The following BRINP1 variants were observed in gnomAD, a reference collection of about 807,000 sequenced individuals.
BRINP1 encodes the protein BMP/retinoic acid inducible neural specific 1.
In BRINP1, 17 loss-of-function variants were observed where a neutral mutation model predicts 72.9. The observed-to-expected ratio is 0.23, with a 90% CI of 0.16 to 0.35. The LOEUF is 0.35. BRINP1 is among the 10% of genes least tolerant of loss of function. The pLI, the probability that BRINP1 is intolerant of heterozygous loss-of-function variation, is 1.00. For synonymous variants in BRINP1, 418 were observed against 378.5 expected, an observed-to-expected ratio of 1.10 and a Z score of -1.21; for missense variants, 850 against 1,001.6, an observed-to-expected ratio of 0.85 and a Z score of 2.04.
At chr9:119,182,498 A>G (rs946200528) in intron 7 of BRINP1, among the ~76,000 whole-genome samples, 2 of 152,246 alleles carry the variant, frequency 1.3e-5, no homozygotes, top group Non-Finnish European at 2.9e-5. Context: ...TCAATTTCCA[A>G]GGTAAAGATA....
intron 1 of BRINP1, among the ~76,000 whole-genome samples, chr9:119,351,817 TA>T (rs1202687567): frequency 1.6e-5 from 2 of 123,806 alleles, no homozygotes; most frequent in South Asian, 2.4e-4. Flanking sequence ...TTTATTTTTT[TA>T]TTTTTTTTTT....
chr9:119,328,958 C>T (rs1432036984), intron 1 of BRINP1, among the ~76,000 whole-genome samples: 1 of 152,132 alleles, frequency 6.6e-6, no homozygotes, highest in Non-Finnish European at 1.5e-5. Flanking sequence ...CATAAAAACC[C>T]ACCACTAAAA....
chr9:119,232,811 G>T (rs185867758), intron 5 of BRINP1, among the ~76,000 whole-genome samples: 13 of 151,492 alleles, frequency 8.6e-5, no homozygotes, highest in African/African-American at 3.2e-4. Context: ...TGTATACTTC[G>T]CCATATGGAT....
intron 7 of BRINP1, among the ~76,000 whole-genome samples, chr9:119,184,514 A>G (rs1388006259): frequency 6.6e-6 from 1 of 152,220 alleles, no homozygotes; most frequent in Non-Finnish European, 1.5e-5. Flanking sequence ...TCTTATTTAT[A>G]GGACAATTTA....
chr9:119,312,693 A>T (rs1475083619), intron 2 of BRINP1, among the ~76,000 whole-genome samples: 1 of 152,206 alleles, frequency 6.6e-6, no homozygotes, highest in African/African-American at 2.4e-5. Flanking sequence ...AACGTTACTT[A>T]TACTTGATGT....
chr9:119,293,728 A>T (rs974129777), intron 2 of BRINP1, among the ~76,000 whole-genome samples: 4 of 152,214 alleles, frequency 2.6e-5, no homozygotes, highest in African/African-American at 9.6e-5. Context: ...GTATATTTGA[A>T]TAGGAGGTAG....
intron 2 of BRINP1, among the ~76,000 whole-genome samples, chr9:119,287,336 A>G (rs758481020): frequency 1.3e-5 from 2 of 152,186 alleles, no homozygotes; most frequent in African/African-American, 4.8e-5. Flanking sequence ...TTTATTTCAC[A>G]TACTCTCCTG....
At chr9:119,332,952 G>GGGA (rs1831313903) in intron 1 of BRINP1, among the ~76,000 whole-genome samples, 1 of 152,174 alleles carries the variant, frequency 6.6e-6, no homozygotes, top group Admixed American at 6.5e-5. Flanking sequence ...CCACTTTATA[G>GGGA]ATAAGAAAAC....
rs1444469541 is a variant in BRINP1 at position 119,167,060 on chromosome 9, A to T, written c.*24T>A. ...TGTTGTGTGTGTACAACAACAGGAA[A>T]AGTCCATGGCAAGGAGTCCCGGGTT... On this transcript the variant is annotated 3_prime_UTR_variant, in exon 8 of 8. Coordinates refer to ENST00000265922, the MANE Select transcript of BRINP1 (RefSeq NM_014618.3). This position sits in a 1 kb window ranked among gnomAD's most constrained non-coding sequence, Gnocchi z 4.3. 1.9e-6 allele frequency: 3 copies of T among 1,566,268 alleles called. No homozygotes were observed. The highest frequency in any genetic ancestry group is 2.6e-6 in the Non-Finnish European group (3 of 1,153,844).
chr9:119,284,835 G>T (rs893336537), intron 2 of BRINP1, among the ~76,000 whole-genome samples: 1 of 152,014 alleles, frequency 6.6e-6, no homozygotes, highest in Non-Finnish European at 1.5e-5. Context: ...GGAAATTTGG[G>T]TTTAATATAT....
intron 1 of BRINP1, among the ~76,000 whole-genome samples, chr9:119,358,069 G>A (rs1221834871): frequency 2.0e-5 from 3 of 152,084 alleles, no homozygotes; most frequent in Admixed American, 6.5e-5. Context: ...GTTCTCATCT[G>A]GAAAATGGGG....
chr9:119,253,192 T>G (rs1357745050), intron 2 of BRINP1, among the ~76,000 whole-genome samples: 1 of 152,110 alleles, frequency 6.6e-6, no homozygotes, highest in Non-Finnish European at 1.5e-5. Context: ...TAAACTATAA[T>G]GTACAATATG....
chr9:119,289,163 A>G (rs1830798434), intron 2 of BRINP1, among the ~76,000 whole-genome samples: 1 of 152,254 alleles, frequency 6.6e-6, no homozygotes, highest in Non-Finnish European at 1.5e-5. Flanking sequence ...GAGATCAAGG[A>G]GAAAGAGCAT....
intron 2 of BRINP1, among the ~76,000 whole-genome samples, chr9:119,287,869 G>GA (rs1830779282): frequency 1.3e-5 from 2 of 152,172 alleles, no homozygotes; most frequent in Admixed American, 1.3e-4. Context: ...TAGAGGATCA[G>GA]AAAAAAGTAT....
intron 6 of BRINP1, among the ~76,000 whole-genome samples, chr9:119,209,153 G>A (rs761070225): frequency 2.0e-5 from 3 of 152,174 alleles, no homozygotes; most frequent in South Asian, 2.1e-4. Flanking sequence ...TCTGCATACC[G>A]CATTCTTGCT....
In BRINP1 at chr9:119,168,227, G is replaced by A. The variant is rs759280197; in HGVS notation, c.1146-3C>T. 5 of 1,496,714 alleles carry A rather than the reference G, an allele frequency of 3.3e-6. No individual in the cohort carries two copies. In the East Asian group the frequency reaches 1.1e-4, roughly 34 times the overall value. The allele number at this position is 1,496,714 out of a possible 1,614,324, so 92.7% of individuals were successfully genotyped here. A position where few individuals can be genotyped will look rare whatever the true frequency, so the allele number is the denominator to read the frequency against. On this transcript the variant is annotated splice_region_variant and splice_polypyrimidine_tract_variant and intron_variant, in intron 7 of 7. Transcript: ENST00000265922. Reference sequence around the variant, plus strand: ...TTGCAAGCCACTGCTGAATTGTCCTGGGAGATAAAGGAAAATTGGAGAAGG... The same window carrying A: ...TTGCAAGCCACTGCTGAATTGTCCTAGGAGATAAAGGAAAATTGGAGAAGG...
intron 2 of BRINP1, among the ~76,000 whole-genome samples, chr9:119,299,897 T>C (rs1830922885): frequency 6.6e-6 from 1 of 152,190 alleles, no homozygotes; most frequent in Non-Finnish European, 1.5e-5. Flanking sequence ...CCATTATAAA[T>C]TGGTGATCAC....
chr9:119,367,842 C>G (rs1292309256), intron 1 of BRINP1, among the ~76,000 whole-genome samples: 1 of 152,194 alleles, frequency 6.6e-6, no homozygotes, highest in South Asian at 2.1e-4. Context: ...CCCTCTCTCT[C>G]GCTCTTGCTC....
At chr9:119,304,316 A>G (rs1329259302) in intron 2 of BRINP1, among the ~76,000 whole-genome samples, 2 of 152,228 alleles carry the variant, frequency 1.3e-5, no homozygotes, top group African/African-American at 4.8e-5. Context: ...AAGTGGCAGA[A>G]CCAGGATTCA....
Sources: allele counts gnomAD v4.1 joint callset (sites outside exome capture counted in the v4.1 genomes callset), GRCh38; gene constraint gnomAD v4.1.1; non-coding constraint Gnocchi (gnomAD v3.1); transcripts MANE v1.5; gene names NCBI Gene and HGNC (gene_info 2026-07-23, HGNC 2026-07-21).